ITPR2: variants seen among roughly 807,000 people sequenced by gnomAD.
ITPR2 encodes the protein inositol 1,4,5-trisphosphate-gated calcium channel ITPR2.
A neutral mutation model predicts 317.1 loss-of-function variants in ITPR2; 207 were observed. That is an observed-to-expected ratio of 0.65 (90% CI 0.58 to 0.73). The LOEUF is 0.73. Ranked by LOEUF, ITPR2 falls within the 30% of genes least tolerant of loss-of-function variation. The pLI is 0.00. For synonymous variants in ITPR2, 1,156 were observed against 1,149.1 expected (o/e 1.01, Z -0.12); for missense variants, 2,613 against 3,284.0 (o/e 0.80, Z 4.99).
rs576595338 is a variant in ITPR2, at chr12:26,528,601, C to T, written c.5073+21646G>A. On this transcript the variant is annotated intron_variant, in intron 37 of 56. Transcript: ENST00000381340. ...GATTACATCTTATGTCCAGGTTTAT[C>T]GTAAATGAGATTCCATCTCCCTCCA... 6.8e-4 allele frequency among the ~76,000 whole-genome samples: 104 copies of T among 152,282 alleles called. 1 individual carries two copies. The highest frequency in any genetic ancestry group is 2.5e-3 in the African/African-American group (103 of 41,558).
At chr12:26,556,559 T>TG (rs768606315) in intron 35 of ITPR2, among the ~76,000 whole-genome samples, 184 bp from the exon 36 acceptor site, 18 of 88,432 alleles carry the variant, frequency 2.0e-4, no homozygotes, top group South Asian at 1.3e-3. Context: ...GGTCTCTATT[T>TG]TTTTTTTTGT....
intron 9 of ITPR2, among the ~76,000 whole-genome samples, chr12:26,699,584 T>C (rs537398197): frequency 6.6e-6 from 1 of 152,330 alleles, no homozygotes; most frequent in South Asian, 2.1e-4. Flanking sequence ...ATATGATTTT[T>C]TAAATAATTA....
intron 54 of ITPR2, among the ~76,000 whole-genome samples, chr12:26,388,970 C>T (rs1263260627): frequency 6.6e-6 from 1 of 152,178 alleles, no homozygotes; most frequent in South Asian, 2.1e-4. Context: ...CTTGAATCCT[C>T]TCCGCCTCTC....
chr12:26,414,378 A>T (rs1940654063), intron 51 of ITPR2, among the ~76,000 whole-genome samples: 1 of 152,214 alleles, frequency 6.6e-6, no homozygotes, highest in Non-Finnish European at 1.5e-5. Flanking sequence ...AAGGCAAGAC[A>T]GAATACCATT....
intron 2 of ITPR2, among the ~76,000 whole-genome samples, chr12:26,771,069 C>T (rs1195988419): frequency 2.0e-5 from 3 of 152,128 alleles, no homozygotes; most frequent in African/African-American, 4.8e-5. Flanking sequence ...ATTTAGGACC[C>T]ACCTGGGTAA....
intron 8 of ITPR2, among the ~76,000 whole-genome samples, chr12:26,712,837 T>C (rs1314193902): frequency 2.6e-5 from 4 of 152,202 alleles, no homozygotes; most frequent in Non-Finnish European, 5.9e-5. Flanking sequence ...TTTATCACAA[T>C]GATTTTGGAG....
intron 2 of ITPR2, among the ~76,000 whole-genome samples, chr12:26,727,873 A>G (rs1308899735): frequency 1.3e-5 from 2 of 152,186 alleles, no homozygotes; most frequent in Admixed American, 6.5e-5. Context: ...CCAAATTTTA[A>G]AGAACCAATA....
intron 34 of ITPR2, among the ~76,000 whole-genome samples, chr12:26,563,109 T>C (rs910486780): frequency 6.6e-6 from 1 of 152,044 alleles, no homozygotes; most frequent in African/African-American, 2.4e-5. Flanking sequence ...AGCATAGACA[T>C]AGCAGTTGGC....
intron 49 of ITPR2, chr12:26,421,325 C>G (rs573975357): frequency 2.3e-4 from 35 of 152,198 alleles, no homozygotes; most frequent in African/African-American, 6.5e-4. Flanking sequence ...GATTCCTGTT[C>G]TCTTCACTAA....
intron 54 of ITPR2, among the ~76,000 whole-genome samples, chr12:26,392,098 T>C (rs1446875897): frequency 1.3e-5 from 2 of 152,222 alleles, no homozygotes; most frequent in Non-Finnish European, 2.9e-5. Context: ...ATCTTGCTGA[T>C]GTTTTCTCAA....
intron 34 of ITPR2, among the ~76,000 whole-genome samples, chr12:26,572,077 T>A (rs761487143): frequency 6.6e-6 from 1 of 152,238 alleles, no homozygotes; most frequent in Non-Finnish European, 1.5e-5. Flanking sequence ...GCATTTTAAA[T>A]ATGCATATCC....
intron 31 of ITPR2, among the ~76,000 whole-genome samples, 170 bp from the exon 32 acceptor site, chr12:26,595,760 A>G (rs1945826310): frequency 6.6e-6 from 1 of 152,188 alleles, no homozygotes; most frequent in African/African-American, 2.4e-5. Flanking sequence ...CAGTCCACTG[A>G]CCTAAGGGTG....
intron 37 of ITPR2, among the ~76,000 whole-genome samples, chr12:26,549,252 T>C (rs529346991): frequency 7.9e-5 from 12 of 152,338 alleles, no homozygotes; most frequent in Non-Finnish European, 1.5e-4. Flanking sequence ...TTTCCAAATA[T>C]AATTTAAGTG....
rs1402185095 is a variant in ITPR2, at chr12:26,674,167, A to C, written c.1409+7707T>G. On this transcript the variant is annotated intron_variant, in intron 13 of 56. Transcript: ENST00000381340. Reference sequence around the variant, plus strand: ...TGCCATCCCCATCAAGCTACCAATGACTTTCTTCACAGAATTGGAAAAAAC... The same window carrying C: ...TGCCATCCCCATCAAGCTACCAATGCCTTTCTTCACAGAATTGGAAAAAAC... Among the ~76,000 whole-genome samples the C allele has an allele frequency of 5.4e-5, 8 of 148,290 alleles. No individual in the cohort carries two copies. In the East Asian group the frequency reaches 8.0e-4, roughly 15 times the overall value.
chr12:26,462,499 C>T (rs1942062089), intron 45 of ITPR2, among the ~76,000 whole-genome samples: 1 of 151,980 alleles, frequency 6.6e-6, no homozygotes, highest in Non-Finnish European at 1.5e-5. Flanking sequence ...TAGGCGTGAG[C>T]CACTGTGCCT....
intron 55 of ITPR2, among the ~76,000 whole-genome samples, chr12:26,385,759 C>G (rs1223208676): frequency 8.5e-5 from 13 of 152,100 alleles, no homozygotes; most frequent in Non-Finnish European, 1.9e-4. Context: ...ACAGACACTC[C>G]CCATCTACAG....
chr12:26,679,171 TC>T (rs926468043), intron 13 of ITPR2, among the ~76,000 whole-genome samples: 1 of 152,202 alleles, frequency 6.6e-6, no homozygotes, highest in Non-Finnish European at 1.5e-5. Context: ...CGGCCTTTAT[TC>T]ATTTCCCCTA....
intron 10 of ITPR2, among the ~76,000 whole-genome samples, chr12:26,693,251 C>T (rs1236550608): frequency 6.6e-6 from 1 of 152,182 alleles, no homozygotes; most frequent in Non-Finnish European, 1.5e-5. Flanking sequence ...AACAGAAGAG[C>T]ACTCTTTCTC....
chr12:26,526,976 C>T (rs1943824203), intron 37 of ITPR2, among the ~76,000 whole-genome samples: 2 of 152,182 alleles, frequency 1.3e-5, no homozygotes, highest in South Asian at 4.1e-4. Flanking sequence ...ATATTTGAAG[C>T]CTGGCTCAAT....
Sources: gnomAD v4.1 joint callset for allele counts (sites outside exome capture counted in the v4.1 genomes callset) on GRCh38, gnomAD v4.1.1 for gene constraint, MANE v1.5 for transcripts, NCBI Gene and HGNC (gene_info 2026-07-23, HGNC 2026-07-21) for gene names.